Variants in OR2L13 observed in about 807,000 individuals in gnomAD.
OR2L13 encodes the protein olfactory receptor 2L13.
Under a neutral mutation model 15.3 loss-of-function variants are expected in OR2L13, and 14 were observed. The observed-to-expected ratio is 0.91, with a 90% CI of 0.60 to 1.43. OR2L13 has a LOEUF of 1.43. Among genes scored for constraint, OR2L13 ranks in the 40% most tolerant of loss-of-function variants. OR2L13 has a pLI of 0.00. For missense variants in OR2L13, 367 were observed against 387.9 expected, an observed-to-expected ratio of 0.95 and a Z score of 0.45; for synonymous variants, 152 against 142.9, an observed-to-expected ratio of 1.06 and a Z score of -0.45.
chr1:248,022,404 A>G, the OR2L13 span: 1 of 1,614,052 alleles, frequency 6.2e-7, no homozygotes, highest in African/African-American at 1.3e-5. Context: ...GATAGGCTCC[A>G]TCAACTCTTG....
chr1:248,025,077 C>G, the OR2L13 span, among the ~76,000 whole-genome samples: 11 of 151,312 alleles, frequency 7.3e-5, no homozygotes, highest in African/African-American at 2.7e-4. Context: ...GCAATGGCAA[C>G]AAAAGACAAA....
At chr1:247,950,731 C>T in the OR2L13 span, among the ~76,000 whole-genome samples, 7 of 152,018 alleles carry the variant, frequency 4.6e-5, no homozygotes, top group Non-Finnish European at 1.0e-4. Flanking sequence ...AGATAATAGA[C>T]TGGTGGTCAC....
At chr1:247,981,846 C>G in the OR2L13 span, among the ~76,000 whole-genome samples, 7 of 150,606 alleles carry the variant, frequency 4.6e-5, no homozygotes, top group East Asian at 2.0e-4. Context: ...GACGGAGTCT[C>G]GCTCTGTCGC....
the OR2L13 span, among the ~76,000 whole-genome samples, chr1:248,079,512 G>T: frequency 6.6e-6 from 1 of 151,850 alleles, no homozygotes; most frequent in African/African-American, 2.4e-5. Context: ...CAAAAAGAAA[G>T]AAAAAGAACA....
the OR2L13 span, among the ~76,000 whole-genome samples, chr1:247,951,209 G>A: frequency 9.7e-3 from 1,472 of 152,190 alleles, 10 homozygotes; most frequent in Middle Eastern, 0.017. Context: ...ATAGTTTGAA[G>A]TTTGCTACTG....
chr1:248,080,591 T>C, the OR2L13 span, among the ~76,000 whole-genome samples: 19 of 152,200 alleles, frequency 1.2e-4, no homozygotes, highest in African/African-American at 4.6e-4. Context: ...TCCATGTCCC[T>C]GCAAAGGACG....
the OR2L13 span, among the ~76,000 whole-genome samples, chr1:248,021,515 G>T: frequency 6.6e-6 from 1 of 152,114 alleles, no homozygotes; most frequent in Admixed American, 6.6e-5. Context: ...TTATCAGTTG[G>T]ATTTCAGTCA....
At chr1:248,046,081 G>A in the OR2L13 span, among the ~76,000 whole-genome samples, 9 of 152,016 alleles carry the variant, frequency 5.9e-5, no homozygotes, top group Middle Eastern at 3.4e-3. Flanking sequence ...TAAGAAATTC[G>A]AGAACATTTA....
chr1:248,071,349 C>G, the OR2L13 span, among the ~76,000 whole-genome samples: 1 of 152,006 alleles, frequency 6.6e-6, no homozygotes, highest in African/African-American at 2.4e-5. Context: ...TGTAATCCAG[C>G]ATATAAACAG....
At chr1:248,063,114 T>G in the OR2L13 span, 2 of 152,212 alleles carry the variant, frequency 1.3e-5, no homozygotes, top group Non-Finnish European at 2.9e-5. Context: ...TAAATAATGG[T>G]TTTTACTATT....
chr1:248,077,756 C>A, the OR2L13 span, among the ~76,000 whole-genome samples: 4 of 152,264 alleles, frequency 2.6e-5, no homozygotes, highest in African/African-American at 9.6e-5. Flanking sequence ...ATTTGCCAAT[C>A]ACAGCTCTGT....
chr1:247,960,113 G>T, the OR2L13 span, among the ~76,000 whole-genome samples: 1 of 152,144 alleles, frequency 6.6e-6, no homozygotes, highest in Admixed American at 6.5e-5. Context: ...TACAGATGGG[G>T]TTTTGGTGTG....
chr1:248,018,639 G>T, the OR2L13 span, among the ~76,000 whole-genome samples: 17 of 152,124 alleles, frequency 1.1e-4, no homozygotes, highest in African/African-American at 3.4e-4. Context: ...TTTTTAATTA[G>T]AGTAAATATA....
the OR2L13 span, chr1:247,965,976 C>T: frequency 6.2e-7 from 1 of 1,610,382 alleles, no homozygotes; most frequent in South Asian, 1.1e-5. Context: ...ATACAGTCCT[C>T]CTGAGTGGAC....
chr1:248,080,288 G>A, the OR2L13 span, among the ~76,000 whole-genome samples: 1 of 151,790 alleles, frequency 6.6e-6, no homozygotes, highest in Non-Finnish European at 1.5e-5. Context: ...TAATTTATTA[G>A]AATTATACTT....
chr1:248,100,319 G>A, exon 3 of OR2L13: 1 of 1,538,868 alleles, frequency 6.5e-7, no homozygotes. Flanking sequence ...GAATAATCAT[G>A]GCCATCCCCA....
At chr1:247,970,824 C>T in the OR2L13 span, among the ~76,000 whole-genome samples, 1 of 152,126 alleles carries the variant, frequency 6.6e-6, no homozygotes, top group African/African-American at 2.4e-5. Flanking sequence ...ATTTTATCAA[C>T]GTGGTACATG....
the OR2L13 span, among the ~76,000 whole-genome samples, chr1:248,074,490 C>T: frequency 1.1e-3 from 161 of 152,210 alleles, 1 homozygote; most frequent in African/African-American, 3.8e-3. Flanking sequence ...TAAACAACTT[C>T]AGCAAAGTTT....
chr1:248,021,218 A>G, the OR2L13 span, among the ~76,000 whole-genome samples: 2 of 152,146 alleles, frequency 1.3e-5, no homozygotes, highest in Non-Finnish European at 2.9e-5. Flanking sequence ...AAATGTATAT[A>G]TTTCTTAGAA....
Sources: allele counts gnomAD v4.1 joint callset (sites outside exome capture counted in the v4.1 genomes callset), GRCh38; gene constraint gnomAD v4.1.1; transcripts MANE v1.5; gene names NCBI Gene and HGNC (gene_info 2026-07-23, HGNC 2026-07-21).